Variants in FAM161A observed in about 807,000 individuals in gnomAD.
The protein encoded by FAM161A is FAM161 centrosomal protein A.
In FAM161A, 57 loss-of-function variants were observed where a neutral mutation model predicts 70.9. The ratio of observed to expected loss-of-function variants is 0.80; its 90% CI spans 0.65 to 1.00. FAM161A has a LOEUF of 1.00. FAM161A is among the 50% of genes least tolerant of loss of function. The probability of loss-of-function intolerance (pLI) is 0.00; values close to 1 mark genes in which losing one functional copy is unlikely to be tolerated. For synonymous variants in FAM161A, 299 were observed against 295.7 expected (o/e 1.01, Z -0.12); for missense variants, 880 against 836.0 (o/e 1.05, Z -0.65).
rs962221306 is a variant in FAM161A at position 61,838,888 on chromosome 2, A to ATTT, written c.1584-186_1584-184dup. Reference sequence around the variant, plus strand: ...TATTTATTTATTTATTTATTTATTTATTTATTTTTTTTGAGATGGAGTCTC... The same window carrying ATTT: ...TATTTATTTATTTATTTATTTATTTATTTTTTATTTTTTTTGAGATGGAGTCTC... On this transcript the variant is annotated intron_variant, in intron 3 of 6. Transcript: ENST00000404929. Among the ~76,000 whole-genome samples, 529 of 118,160 alleles carry ATTT rather than the reference A, an allele frequency of 4.5e-3. 10 individuals carry two copies. The highest frequency in any genetic ancestry group is 0.014 in the African/African-American group (472 of 33,552). The allele number at this position is 118,160 out of a possible 152,430, so 77.5% of individuals were successfully genotyped here. A position where few individuals can be genotyped will look rare whatever the true frequency, so the allele number is the denominator to read the frequency against.
chr2:61,807,454 G>A, the FAM161A span, among the ~76,000 whole-genome samples: 1 of 151,828 alleles, frequency 6.6e-6, no homozygotes, highest in African/African-American at 2.4e-5. Context: ...TTTGTTGTAT[G>A]TCTCTTCTCT....
intron 5 of FAM161A, among the ~76,000 whole-genome samples, chr2:61,834,395 T>C (rs1281430835): frequency 3.3e-5 from 5 of 151,666 alleles, no homozygotes; most frequent in African/African-American, 1.2e-4. Context: ...AACCTACCTA[T>C]TGGGTACTAT....
At chr2:61,819,332 C>T in the FAM161A span, among the ~76,000 whole-genome samples, 7 of 152,104 alleles carry the variant, frequency 4.6e-5, no homozygotes, top group South Asian at 2.1e-4. Context: ...ATGGTGGTGG[C>T]GCATGCCTGT....
At chr2:61,830,930 G>A (rs1004502542) in intron 5 of FAM161A, among the ~76,000 whole-genome samples, 4 of 151,458 alleles carry the variant, frequency 2.6e-5, no homozygotes, top group Non-Finnish European at 5.9e-5. Context: ...CCAACATGAT[G>A]AAACTTCGTC....
intron 3 of FAM161A, among the ~76,000 whole-genome samples, chr2:61,838,919 G>T (rs1310294068): frequency 1.3e-5 from 2 of 148,236 alleles, no homozygotes; most frequent in African/African-American, 2.6e-5. Flanking sequence ...GTCTCGCTCT[G>T]TCGCCCAGGC....
downstream of FAM161A, among the ~76,000 whole-genome samples, chr2:61,824,580 T>C (rs1027411392): frequency 2.0e-5 from 3 of 152,028 alleles, no homozygotes; most frequent in African/African-American, 4.8e-5. Context: ...CTACAGCCAC[T>C]CAAGATAGGT....
Position 61,826,199 on chromosome 2 carries a change from C to T in FAM161A, c.*256G>A, listed in dbSNP as rs754753344. On this transcript the variant is annotated 3_prime_UTR_variant, in exon 7 of 7. Transcript: ENST00000404929. ...ATCAGTTTGTGACAGCTGTGGTTCTCACTTTTTAAAAATACAAAATCATAG... is the reference window on the plus strand; with the variant it reads ...ATCAGTTTGTGACAGCTGTGGTTCTTACTTTTTAAAAATACAAAATCATAG... 8.2e-6 allele frequency: 5 copies of T among 613,044 alleles called. No homozygotes were observed. The African/African-American group carries it at 9.1e-5, about 11-fold the overall frequency. 38.0% of individuals were successfully genotyped at this position (613,044 alleles called of 1,614,324 possible). A position where few individuals can be genotyped will look rare whatever the true frequency, so the allele number is the denominator to read the frequency against.
chr2:61,804,746 A>AAAAG, the FAM161A span, among the ~76,000 whole-genome samples: 1 of 129,484 alleles, frequency 7.7e-6, no homozygotes, highest in South Asian at 2.3e-4. Context: ...GAAAGAAAGG[A>AAAAG]AAAGAAAGAA....
chr2:61,827,108 C>T lies in FAM161A; in HGVS notation c.2002G>A (p.Glu668Lys), dbSNP rs1672395521. The T allele has an allele frequency of 6.2e-7, 1 of 1,613,534 alleles. No homozygotes were observed. Among genetic ancestry groups the T allele is most frequent in the Non-Finnish European group, 8.5e-7 (1 of 1,179,908 alleles). ...CAGACATCTTATATATGTTACCTTT[C>T]TTTGTCTTCAGTGACACTTTTCGTC... ...QETKSVTEDK[E>K]SFNEEEKIEE... The change falls in exon 6 of 7, where the codon GAA (glutamate) becomes AAA (lysine). Residue 668 changes from glutamate (E) to lysine (K), a missense_variant. Physicochemically the swap from Glu to Lys is moderately conservative, Grantham distance 56. Transcript: ENST00000404929.
rs962221306 is a variant in FAM161A at position 61,838,888 on chromosome 2, A to ATTTTTTT, written c.1584-184_1584-183insAAAAAAA. 2.2e-3 allele frequency among the ~76,000 whole-genome samples: 265 copies of ATTTTTTT among 118,170 alleles called. 3 individuals carry two copies. The highest frequency in any genetic ancestry group is 7.4e-3 in the African/African-American group (247 of 33,556). The allele number at this position is 118,170 out of a possible 152,430, so 77.5% of individuals were successfully genotyped here. A position where few individuals can be genotyped will look rare whatever the true frequency, so the allele number is the denominator to read the frequency against. On this transcript the variant is annotated intron_variant, in intron 3 of 6. Transcript: ENST00000404929. The stretch of plus-strand genomic sequence containing the variant: ...TATTTATTTATTTATTTATTTATTT[A>ATTTTTTT]TTTATTTTTTTTGAGATGGAGTCTC...
At chr2:61,810,829 C>A in the FAM161A span, among the ~76,000 whole-genome samples, 1 of 151,994 alleles carries the variant, frequency 6.6e-6, no homozygotes. Context: ...AGAGATCTTG[C>A]AGGCAGGGAA....
In FAM161A at chr2:61,842,297, C is replaced by T. The variant is rs1482683528; in HGVS notation, c.247G>A (p.Val83Met). Reference sequence around the variant, plus strand: ...GAGTGGTGAATATCAGGAAAGTTCACAAAGTCCTCATAGCTTATCGGTGCA... The same window carrying T: ...GAGTGGTGAATATCAGGAAAGTTCATAAAGTCCTCATAGCTTATCGGTGCA... ...EHAPISYEDF[V>M]NFPDIHHSNE... The change falls in exon 2 of 7, where the codon GTG becomes ATG. Residue 83 changes from valine to methionine, a missense_variant. Val to Met is a conservative substitution (Grantham distance 21). Coordinates refer to ENST00000404929, the MANE Select transcript of FAM161A (RefSeq NM_001201543.2). The T allele has an allele frequency of 6.2e-7, 1 of 1,608,394 alleles. No homozygotes were observed. Among genetic ancestry groups the T allele is most frequent in the Middle Eastern group, 1.7e-4 (1 of 6,058 alleles).
downstream of FAM161A, among the ~76,000 whole-genome samples, chr2:61,824,664 C>G (rs1672285181): frequency 6.6e-6 from 1 of 152,042 alleles, no homozygotes; most frequent in Non-Finnish European, 1.5e-5. Flanking sequence ...GACCAAAGCC[C>G]ACACTCTCCT....
rs142389945 is a variant in FAM161A at position 61,848,241 on chromosome 2, G to C, written c.183+5618C>G. 1.4e-4 allele frequency among the ~76,000 whole-genome samples: 21 copies of C among 152,240 alleles called. 1 individual carries two copies. The highest frequency in any genetic ancestry group is 4.8e-4 in the African/African-American group (20 of 41,562). On this transcript the variant is annotated intron_variant, in intron 1 of 6. Coordinates refer to ENST00000404929, the MANE Select transcript of FAM161A (RefSeq NM_001201543.2). ...TGAGTAGCTTCTGAAAGATGCGGCA[G>C]GTCTGATAAATTATACTTATGTACT...
downstream of FAM161A, among the ~76,000 whole-genome samples, chr2:61,822,127 C>T (rs1672215262): frequency 6.6e-6 from 1 of 151,452 alleles, no homozygotes; most frequent in Non-Finnish European, 1.5e-5. Context: ...AACAAAGTTG[C>T]TATACTATAA....
At chr2:61,832,748 T>C (rs1265992893) in intron 5 of FAM161A, among the ~76,000 whole-genome samples, 1 of 152,152 alleles carries the variant, frequency 6.6e-6, no homozygotes, top group Non-Finnish European at 1.5e-5. Flanking sequence ...GCATGCTCCT[T>C]ATGAGAATCT....
the FAM161A span, among the ~76,000 whole-genome samples, chr2:61,816,655 G>C: frequency 6.6e-6 from 1 of 152,120 alleles, no homozygotes; most frequent in East Asian, 1.9e-4. Context: ...AGACGGCGGG[G>C]CGGGGGGGTC....
At chr2:61,843,681 A>G (rs772128839) in intron 1 of FAM161A, among the ~76,000 whole-genome samples, 1 of 152,222 alleles carries the variant, frequency 6.6e-6, no homozygotes, top group Non-Finnish European at 1.5e-5. Context: ...CTCTCAAAAT[A>G]AAAATTCAGA....
chr2:61,835,761 C>T (rs1046701224), intron 5 of FAM161A: 1 of 453,316 alleles, frequency 2.2e-6, no homozygotes, highest in African/African-American at 2.0e-5. Context: ...AACTCTTGGG[C>T]TCAAGCAATC....
Sources: gnomAD v4.1 joint callset for allele counts (sites outside exome capture counted in the v4.1 genomes callset) on GRCh38, gnomAD v4.1.1 for gene constraint, MANE v1.5 for transcripts, NCBI Gene and HGNC (gene_info 2026-07-23, HGNC 2026-07-21) for gene names.